Variants in SEMA5A observed in about 807,000 individuals in gnomAD.
SEMA5A encodes semaphorin-5A.
SEMA5A carries 55 observed loss-of-function variants against 135.5 expected under a neutral mutation model. The observed-to-expected ratio is 0.41, with a 90% CI of 0.33 to 0.51. The LOEUF is 0.51. Ranked by LOEUF, SEMA5A falls within the 20% of genes least tolerant of loss-of-function variation. The pLI, the probability that SEMA5A is intolerant of heterozygous loss-of-function variation, is 0.37. For synonymous variants in SEMA5A, 580 were observed against 546.5 expected, an observed-to-expected ratio of 1.06 and a Z score of -0.85; for missense variants, 1,290 against 1,419.9, an observed-to-expected ratio of 0.91 and a Z score of 1.47.
chr5:9,252,738 C>CTTATT (rs1748865486), intron 5 of SEMA5A, among the ~76,000 whole-genome samples: 1 of 152,142 alleles, frequency 6.6e-6, no homozygotes, highest in Admixed American at 6.5e-5. Context: ...TTCTAAGATT[C>CTTATT]CATATTCTTC....
At chr5:9,225,735 A>G (rs1364417970) in intron 7 of SEMA5A, among the ~76,000 whole-genome samples, 1 of 152,090 alleles carries the variant, frequency 6.6e-6, no homozygotes, top group Non-Finnish European at 1.5e-5. Flanking sequence ...TCAGAGAGAT[A>G]GCTAAGCGTC....
At chr5:9,084,635 G>A (rs1412883339) in intron 16 of SEMA5A, among the ~76,000 whole-genome samples, 1 of 152,162 alleles carries the variant, frequency 6.6e-6, no homozygotes, top group Non-Finnish European at 1.5e-5. Flanking sequence ...CCAGCCACGT[G>A]GAATTGTAAG....
At chr5:9,404,046 C>T (rs56972935) in intron 2 of SEMA5A, among the ~76,000 whole-genome samples, 5,803 of 152,202 alleles carry the variant, frequency 0.038, 149 homozygotes, top group Middle Eastern at 0.088. Flanking sequence ...GCAATTCTCC[C>T]GCCTCAGTCT....
intron 16 of SEMA5A, among the ~76,000 whole-genome samples, chr5:9,098,785 A>G (rs1226040393): frequency 6.6e-6 from 1 of 152,218 alleles, no homozygotes; most frequent in African/African-American, 2.4e-5. Flanking sequence ...GTGTCTCCAC[A>G]TATAAGTTCT....
At chr5:9,092,684 A>C (rs142243072) in intron 16 of SEMA5A, among the ~76,000 whole-genome samples, 39 of 152,352 alleles carry the variant, frequency 2.6e-4, no homozygotes, top group African/African-American at 8.9e-4. Flanking sequence ...GCTCCATTTT[A>C]GTGTGAAGAA....
At chr5:9,373,617 G>C (rs768771767) in intron 3 of SEMA5A, among the ~76,000 whole-genome samples, 14 of 152,160 alleles carry the variant, frequency 9.2e-5, no homozygotes, top group Non-Finnish European at 1.9e-4. Flanking sequence ...GAACATTAAG[G>C]AGTTAAAGAT....
At chr5:9,166,530 A>G (rs56334239) in intron 11 of SEMA5A, among the ~76,000 whole-genome samples, 20,391 of 152,190 alleles carry the variant, frequency 0.13, 2,491 homozygotes, top group African/African-American at 0.31. Context: ...CTTGTAAATG[A>G]TAAGTCCTAT....
At chr5:9,279,019 C>T (rs962549467) in intron 5 of SEMA5A, among the ~76,000 whole-genome samples, 15 of 152,188 alleles carry the variant, frequency 9.9e-5, no homozygotes, top group Non-Finnish European at 1.9e-4. Flanking sequence ...AAGAGGGCCA[C>T]CATCCTCCAG....
At chr5:9,434,644 T>G (rs969336730) in intron 2 of SEMA5A, among the ~76,000 whole-genome samples, 1 of 152,150 alleles carries the variant, frequency 6.6e-6, no homozygotes. Context: ...GGGATTATAT[T>G]AAATATATTA....
intron 12 of SEMA5A, 49 bp from the exon 13 acceptor site, chr5:9,136,670 T>A: frequency 2.0e-6 from 3 of 1,490,260 alleles, no homozygotes; most frequent in Non-Finnish European, 2.8e-6. Flanking sequence ...TTACCCATGA[T>A]AAGATACACA....
chr5:9,083,576 AT>A (rs1738508660), intron 16 of SEMA5A, among the ~76,000 whole-genome samples: 4 of 62,778 alleles, frequency 6.4e-5, no homozygotes, highest in East Asian at 9.3e-4. Flanking sequence ...TTTTCCATTC[AT>A]TCATCCATTC....
At chr5:9,493,523 A>G (rs1735145553) in intron 1 of SEMA5A, among the ~76,000 whole-genome samples, 1 of 152,164 alleles carries the variant, frequency 6.6e-6, no homozygotes, top group Non-Finnish European at 1.5e-5. Flanking sequence ...TCAGTACAGT[A>G]TTTCTGTTTA....
intron 1 of SEMA5A, among the ~76,000 whole-genome samples, chr5:9,461,040 G>A (rs2126728899): frequency 6.6e-6 from 1 of 152,306 alleles, no homozygotes; most frequent in Non-Finnish European, 1.5e-5. Flanking sequence ...AGATGGATGA[G>A]AAAACTTGAG....
intron 18 of SEMA5A, among the ~76,000 whole-genome samples, chr5:9,061,770 C>T (rs1028400936): frequency 6.6e-6 from 1 of 152,120 alleles, no homozygotes; most frequent in Non-Finnish European, 1.5e-5. Context: ...AGGAAGAAGA[C>T]CCAGAAAAAC....
chr5:9,233,064 G>C (rs907233499), intron 6 of SEMA5A, among the ~76,000 whole-genome samples: 3 of 152,194 alleles, frequency 2.0e-5, no homozygotes, highest in Admixed American at 2.0e-4. Flanking sequence ...CATAGCTCTG[G>C]ATTCTAATCA....
chr5:9,489,521 ATGT>A (rs1299297237), intron 1 of SEMA5A, among the ~76,000 whole-genome samples: 1 of 152,180 alleles, frequency 6.6e-6, no homozygotes, highest in African/African-American at 2.4e-5. Flanking sequence ...ATTGTGCCAG[ATGT>A]TGTGGGTTAC....
chr5:9,100,306 C>T (rs1156530891), intron 16 of SEMA5A, among the ~76,000 whole-genome samples: 1 of 152,154 alleles, frequency 6.6e-6, no homozygotes, highest in Non-Finnish European at 1.5e-5. Flanking sequence ...CCCTCAGCCT[C>T]CTGTGGTCCC....
At chr5:9,451,210 T>C (rs1758631494) in intron 1 of SEMA5A, among the ~76,000 whole-genome samples, 1 of 152,174 alleles carries the variant, frequency 6.6e-6, no homozygotes, top group African/African-American at 2.4e-5. Context: ...ATAAAATCTG[T>C]CTCTGTCTCC....
At chr5:9,429,094 T>G (rs1025926764) in intron 2 of SEMA5A, among the ~76,000 whole-genome samples, 1 of 152,060 alleles carries the variant, frequency 6.6e-6, no homozygotes, top group Non-Finnish European at 1.5e-5. Context: ...CATCCGGCCA[T>G]GGAGAAGGAA....
Sources: gnomAD v4.1 joint callset for allele counts (sites outside exome capture counted in the v4.1 genomes callset) on GRCh38, gnomAD v4.1.1 for gene constraint, MANE v1.5 for transcripts, NCBI Gene and HGNC (gene_info 2026-07-23, HGNC 2026-07-21) for gene names.